The following SLC13A3 variants were observed in gnomAD, a reference collection of about 807,000 sequenced individuals.
SLC13A3 encodes the protein Na(+)/dicarboxylate cotransporter 3.
Under a neutral mutation model 59.0 loss-of-function variants are expected in SLC13A3, and 40 were observed. That is an observed-to-expected ratio of 0.68 (90% CI 0.53 to 0.88). The LOEUF (loss-of-function observed/expected upper bound fraction) is 0.88. Among genes scored for constraint, SLC13A3 ranks in the 40% least tolerant of loss-of-function variants. The pLI, the probability that SLC13A3 is intolerant of heterozygous loss-of-function variation, is 0.00. For synonymous variants in SLC13A3, 317 were observed against 330.3 expected (o/e 0.96, Z 0.44); for missense variants, 699 against 783.2 (o/e 0.89, Z 1.28).
At chr20:46,651,498 A>G, upstream of SLC13A3, 2 of 779,192 alleles carry the variant, frequency 2.6e-6, no homozygotes, top group Non-Finnish European at 3.4e-6. Flanking sequence ...AGCCTGGGGG[A>G]GGGTCGGGGA....
At chr20:46,638,958 TG>T (rs1229881579) in intron 1 of SLC13A3, among the ~76,000 whole-genome samples, 1 of 152,206 alleles carries the variant, frequency 6.6e-6, no homozygotes, top group African/African-American at 2.4e-5. Flanking sequence ...GCAAATTTGC[TG>T]GAAGACTCAC....
chr20:46,654,819 C>T (rs970841772), upstream of SLC13A3, among the ~76,000 whole-genome samples: 1 of 152,192 alleles, frequency 6.6e-6, no homozygotes, highest in Non-Finnish European at 1.5e-5. Context: ...GCATGAGCCA[C>T]CATGCCTGGC....
intron 1 of SLC13A3, among the ~76,000 whole-genome samples, chr20:46,645,641 A>T (rs1291415952): frequency 6.6e-6 from 1 of 152,212 alleles, no homozygotes; most frequent in Admixed American, 6.5e-5. Flanking sequence ...TCCAAAACAA[A>T]GTCTCAGTTT....
Position 46,633,892 on chromosome 20 carries a change from C to T in SLC13A3, c.111+17419G>A, listed in dbSNP as rs142278302. Among the ~76,000 whole-genome samples the T allele has an allele frequency of 2.6e-5, 4 of 152,314 alleles. No homozygotes were observed. In the East Asian group the frequency reaches 5.8e-4, roughly 22 times the overall value. On this transcript the variant is annotated intron_variant, in intron 1 of 12. Coordinates refer to ENST00000279027, the MANE Select transcript of SLC13A3 (RefSeq NM_022829.6). ...GGGTGCATTAGCTCGCCTGTGTGTC[C>T]CAGTGACCCTGTTTAGAAATGATAA...
At chr20:46,664,271 G>A (rs2063049763) in intron 1 of SLC13A3, among the ~76,000 whole-genome samples, 1 of 152,184 alleles carries the variant, frequency 6.6e-6, no homozygotes, top group Non-Finnish European at 1.5e-5. Context: ...CCTGGGAAAT[G>A]TGAACTGGCT....
intron 1 of SLC13A3, among the ~76,000 whole-genome samples, chr20:46,617,450 C>A (rs2062567950): frequency 6.7e-6 from 1 of 150,356 alleles, no homozygotes; most frequent in African/African-American, 2.5e-5. Flanking sequence ...ACAGTGAAAC[C>A]TGGTCTCTAA....
chr20:46,670,807 A>C (rs1351317188), upstream of SLC13A3, among the ~76,000 whole-genome samples: 1 of 152,210 alleles, frequency 6.6e-6, no homozygotes, highest in Non-Finnish European at 1.5e-5. Flanking sequence ...GATTTAATAC[A>C]GAAACCAACA....
chr20:46,630,145 C>G (rs1490678539), intron 1 of SLC13A3, among the ~76,000 whole-genome samples: 3 of 152,222 alleles, frequency 2.0e-5, no homozygotes, highest in African/African-American at 7.2e-5. Flanking sequence ...GCCCCTTACT[C>G]AATGCGAAGA....
intron 1 of SLC13A3, among the ~76,000 whole-genome samples, chr20:46,618,786 A>T (rs769632077): frequency 6.6e-6 from 1 of 152,226 alleles, no homozygotes; most frequent in Non-Finnish European, 1.5e-5. Flanking sequence ...GGACTAAGAC[A>T]GTCCTCCGTC....
intron 11 of SLC13A3, among the ~76,000 whole-genome samples, chr20:46,564,614 C>T (rs920647007): frequency 6.6e-6 from 1 of 152,144 alleles, no homozygotes; most frequent in African/African-American, 2.4e-5. Flanking sequence ...GACCAGGTCC[C>T]TCTGAGGACT....
chr20:46,566,900 C>T (rs1013722314), intron 10 of SLC13A3, among the ~76,000 whole-genome samples: 1 of 151,654 alleles, frequency 6.6e-6, no homozygotes, highest in Admixed American at 6.6e-5. Flanking sequence ...ACATCAACTA[C>T]AACACAATCA....
In SLC13A3 at chr20:46,682,293, T is replaced by A. The variant is rs1244144799; in HGVS notation, c.-31+2103A>T. The A allele has an allele frequency of 2.0e-5, 3 of 152,356 alleles. 1 individual carries two copies. In the South Asian group the frequency reaches 6.2e-4, roughly 32 times the overall value. The allele number at this position is 152,356 out of a possible 1,614,324, so 9.4% of individuals were successfully genotyped here. On this transcript the variant is annotated intron_variant, in intron 1 of 6. Transcript: ENST00000372121. ...TCAGGAATATGGTGGATTCTTGCAG[T>A]TAAATCAGAGATTATGCCCTGCATG...
upstream of SLC13A3, among the ~76,000 whole-genome samples, chr20:46,653,758 T>C (rs1338305239): frequency 1.3e-5 from 2 of 152,218 alleles, no homozygotes; most frequent in Admixed American, 6.5e-5. Context: ...CTCACCCATG[T>C]TGTAGCATGT....
chr20:46,634,631 C>T (rs569113643), intron 1 of SLC13A3, among the ~76,000 whole-genome samples: 3 of 152,244 alleles, frequency 2.0e-5, no homozygotes, highest in African/African-American at 4.8e-5. Context: ...AACGTTCCTG[C>T]GGTGGCTCAC....
At chr20:46,582,937 T>G (rs1047706496) in intron 9 of SLC13A3, 2 of 985,174 alleles carry the variant, frequency 2.0e-6, no homozygotes, top group African/African-American at 3.5e-5. Flanking sequence ...TACTCAGTGA[T>G]TTTTTAAAAA....
intron 1 of SLC13A3, among the ~76,000 whole-genome samples, chr20:46,623,593 A>G (rs1294081460): frequency 1.3e-5 from 2 of 152,168 alleles, no homozygotes; most frequent in African/African-American, 4.8e-5. Context: ...ATGTCTATTT[A>G]GGTCATGCAT....
chr20:46,681,166 A>G (rs1360128744), intron 1 of SLC13A3, among the ~76,000 whole-genome samples: 1 of 152,238 alleles, frequency 6.6e-6, no homozygotes, highest in East Asian at 1.9e-4. Context: ...GACGCAGCCC[A>G]TGTGCTCACT....
chr20:46,636,500 T>C lies in SLC13A3; in HGVS notation c.111+14811A>G, dbSNP rs1434000930. On this transcript the variant is annotated intron_variant, in intron 1 of 12. Transcript: ENST00000279027. ...TCCATAATCATTCAGGACACGTGGATTAAGCACCTGTTGTGCATTGGTGGA... is the reference window on the plus strand; with the variant it reads ...TCCATAATCATTCAGGACACGTGGACTAAGCACCTGTTGTGCATTGGTGGA... Among the ~76,000 whole-genome samples, 7 of 152,360 alleles carry C rather than the reference T, an allele frequency of 4.6e-5. 1 individual carries two copies. The highest frequency in any genetic ancestry group is 1.7e-4 in the African/African-American group (7 of 41,590).
At chr20:46,599,336 T>C (rs951302895) in intron 4 of SLC13A3, among the ~76,000 whole-genome samples, 2 of 152,250 alleles carry the variant, frequency 1.3e-5, no homozygotes, top group East Asian at 3.8e-4. Context: ...CACTGTTAAA[T>C]TGAGATCACA....
Sources: gnomAD v4.1 joint callset for allele counts (sites outside exome capture counted in the v4.1 genomes callset) on GRCh38, gnomAD v4.1.1 for gene constraint, MANE v1.5 for transcripts, NCBI Gene and HGNC (gene_info 2026-07-23, HGNC 2026-07-21) for gene names.